ROBO1: variants seen among roughly 807,000 people sequenced by gnomAD.
ROBO1 encodes the protein roundabout homolog 1.
ROBO1 carries 149 observed loss-of-function variants against 195.9 expected under a neutral mutation model. The ratio of observed to expected loss-of-function variants is 0.76; its 90% CI spans 0.67 to 0.87. The LOEUF (loss-of-function observed/expected upper bound fraction) is 0.87. Ranked by LOEUF, ROBO1 falls within the 40% of genes least tolerant of loss-of-function variation. The pLI is 0.00. For missense variants in ROBO1, 1,933 were observed against 2,068.3 expected, an observed-to-expected ratio of 0.93 and a Z score of 1.27; for synonymous variants, 816 against 733.2, an observed-to-expected ratio of 1.11 and a Z score of -1.82.
chr3:79,440,701 C>A (rs1021360342), intron 2 of ROBO1, among the ~76,000 whole-genome samples: 9 of 152,014 alleles, frequency 5.9e-5, no homozygotes, highest in African/African-American at 2.2e-4. Flanking sequence ...TCCTTAGAAC[C>A]AAATACAAAA....
In ROBO1 at chr3:79,618,219, T is replaced by C. The variant is rs1944887796; in HGVS notation, c.-50-28258A>G. Among the ~76,000 whole-genome samples the C allele has an allele frequency of 2.0e-5, 3 of 152,060 alleles. No individual in the cohort carries two copies. The South Asian group carries it at 6.2e-4, about 32-fold the overall frequency. ...AGGAAAACATATCTGATGACATAAT[T>C]TCTAAAAATTTGGTCTAGATAAGGA... On this transcript the variant is annotated intron_variant, in intron 1 of 30. Coordinates refer to ENST00000464233, the MANE Select transcript of ROBO1 (RefSeq NM_002941.4).
At chr3:79,365,911 A>AAG (rs2035961814) in intron 2 of ROBO1, among the ~76,000 whole-genome samples, 1 of 151,384 alleles carries the variant, frequency 6.6e-6, no homozygotes. Flanking sequence ...AAAAAAAAAA[A>AAG]AGAGTACTAC....
At chr3:78,828,583 T>C (rs1405222170) in intron 4 of ROBO1, among the ~76,000 whole-genome samples, 1 of 152,202 alleles carries the variant, frequency 6.6e-6, no homozygotes, top group African/African-American at 2.4e-5. Context: ...TACAAAGAAA[T>C]GAAAATTTTC....
intron 4 of ROBO1, among the ~76,000 whole-genome samples, chr3:78,780,908 C>T (rs1456326637): frequency 6.6e-6 from 1 of 151,968 alleles, no homozygotes; most frequent in African/African-American, 2.4e-5. Context: ...GAATATTGTT[C>T]CTGACTTAAT....
intron 2 of ROBO1, among the ~76,000 whole-genome samples, chr3:79,401,599 T>C (rs1171263212): frequency 6.6e-6 from 1 of 151,856 alleles, no homozygotes; most frequent in East Asian, 1.9e-4. Flanking sequence ...GTTTAAGTGA[T>C]TTTAAATACT....
chr3:78,992,816 T>C (rs995223678), intron 3 of ROBO1, among the ~76,000 whole-genome samples: 3 of 152,168 alleles, frequency 2.0e-5, no homozygotes, highest in Non-Finnish European at 4.4e-5. Flanking sequence ...AATTCAAGCA[T>C]GTCTGTGTAC....
At chr3:79,262,477 G>T (rs1488469051) in intron 2 of ROBO1, among the ~76,000 whole-genome samples, 1 of 151,972 alleles carries the variant, frequency 6.6e-6, no homozygotes, top group African/African-American at 2.4e-5. Context: ...AACTTTTGTT[G>T]TTTTAAGACT....
chr3:78,639,606 T>A, intron 22 of ROBO1, 138 bp downstream of exon 22: 2 of 759,446 alleles, frequency 2.6e-6, no homozygotes, highest in Non-Finnish European at 3.8e-6. Flanking sequence ...AATCAGGCTA[T>A]TTTGCTAAAC....
rs116353432 is a variant in ROBO1 at position 79,618,513 on chromosome 3, G to A, written c.-50-28552C>T. On this transcript the variant is annotated intron_variant, in intron 1 of 30. Coordinates refer to ENST00000464233, the MANE Select transcript of ROBO1 (RefSeq NM_002941.4). ...CAATGAGTGTCAGAAGCTCCCCACT[G>A]AGCACCTTGTGACTGCCACCCCTGC... Among the ~76,000 whole-genome samples, 472 of 152,118 alleles carry A rather than the reference G, an allele frequency of 3.1e-3. 2 individuals carry two copies. The highest frequency in any genetic ancestry group is 0.011 in the African/African-American group (459 of 41,482).
At chr3:79,469,261 A>T (rs7638156) in intron 2 of ROBO1, among the ~76,000 whole-genome samples, 92,812 of 151,932 alleles carry the variant, frequency 0.61, 28,751 homozygotes, top group African/African-American at 0.71. Context: ...AAAATTAATT[A>T]GCAAAAAATC....
chr3:79,649,737 G>A (rs1314569504), intron 1 of ROBO1, among the ~76,000 whole-genome samples: 1 of 152,014 alleles, frequency 6.6e-6, no homozygotes, highest in Non-Finnish European at 1.5e-5. Context: ...CTATGAGTCT[G>A]ACTAGACTAG....
intron 1 of ROBO1, among the ~76,000 whole-genome samples, chr3:79,710,765 T>C (rs1464132815): frequency 2.0e-5 from 3 of 152,144 alleles, no homozygotes; most frequent in African/African-American, 7.2e-5. Flanking sequence ...GGTTGGCGTG[T>C]TCTAAGTCAT....
At chr3:79,336,455 C>A (rs554118297) in intron 2 of ROBO1, among the ~76,000 whole-genome samples, 1 of 152,350 alleles carries the variant, frequency 6.6e-6, no homozygotes, top group South Asian at 2.1e-4. Context: ...AGAGTGCAAA[C>A]CCCAAGCCTT....
intron 4 of ROBO1, among the ~76,000 whole-genome samples, chr3:78,827,463 C>T (rs1455558402): frequency 6.6e-6 from 1 of 152,098 alleles, no homozygotes; most frequent in Admixed American, 6.6e-5. Context: ...GTTCATATAG[C>T]AGGTGCATGC....
intron 2 of ROBO1, among the ~76,000 whole-genome samples, chr3:79,156,421 T>A (rs2080859247): frequency 6.6e-6 from 1 of 151,802 alleles, no homozygotes; most frequent in Non-Finnish European, 1.5e-5. Context: ...CCCTTTCATT[T>A]TTCACATTGT....
chr3:79,659,318 A>G (rs906659430), intron 1 of ROBO1, among the ~76,000 whole-genome samples: 11 of 152,238 alleles, frequency 7.2e-5, no homozygotes, highest in African/African-American at 2.4e-4. Flanking sequence ...TTAGCCATTT[A>G]ACTCTTGACT....
At chr3:79,427,349 A>G (rs2038488496) in intron 2 of ROBO1, among the ~76,000 whole-genome samples, 1 of 152,186 alleles carries the variant, frequency 6.6e-6, no homozygotes, top group Non-Finnish European at 1.5e-5. Flanking sequence ...TACATTTTAG[A>G]ATACTCTATT....
chr3:78,644,149 T>C (rs975809068), intron 21 of ROBO1, among the ~76,000 whole-genome samples: 9 of 151,988 alleles, frequency 5.9e-5, no homozygotes, highest in African/African-American at 2.2e-4. Context: ...ACACACACAA[T>C]GACACACACA....
intron 4 of ROBO1, among the ~76,000 whole-genome samples, chr3:78,910,253 T>C (rs2038165471): frequency 6.6e-6 from 1 of 151,872 alleles, no homozygotes; most frequent in Non-Finnish European, 1.5e-5. Context: ...GCTGTTAAAT[T>C]CACATTTCAA....
Sources: gnomAD v4.1 joint callset for allele counts (sites outside exome capture counted in the v4.1 genomes callset) on GRCh38, gnomAD v4.1.1 for gene constraint, MANE v1.5 for transcripts, NCBI Gene and HGNC (gene_info 2026-07-23, HGNC 2026-07-21) for gene names.